VPS13A: variants seen among roughly 807,000 people sequenced by gnomAD.
VPS13A encodes intermembrane lipid transfer protein VPS13A.
In VPS13A, 264 loss-of-function variants were observed where a neutral mutation model predicts 390.9. The ratio of observed to expected loss-of-function variants is 0.68; its 90% confidence interval spans 0.61 to 0.75. The LOEUF (loss-of-function observed/expected upper bound fraction) is 0.75. Among genes scored for constraint, VPS13A ranks in the 30% least tolerant of loss-of-function variants. The pLI is 0.00. For missense variants in VPS13A, 3,409 were observed against 3,733.9 expected, an observed-to-expected ratio of 0.91 and a Z score of 2.27; for synonymous variants, 1,231 against 1,227.1, an observed-to-expected ratio of 1.00 and a Z score of -0.07.
chr9:77,354,699 A>G (rs1044933410), intron 54 of VPS13A, among the ~76,000 whole-genome samples: 1 of 152,138 alleles, frequency 6.6e-6, no homozygotes, highest in Non-Finnish European at 1.5e-5. Context: ...ACTATTTTAT[A>G]CTTGTCTCCC....
At chr9:77,353,326 A>G (rs539917929) in intron 53 of VPS13A, 83 bp from the exon 54 acceptor site, 116 of 1,086,004 alleles carry the variant, frequency 1.1e-4, no homozygotes, top group Middle Eastern at 2.0e-4. Flanking sequence ...CTCATTTTAT[A>G]AATGTGAAAT....
chr9:77,261,585 A>G (rs1313004306), intron 23 of VPS13A, among the ~76,000 whole-genome samples: 1 of 151,768 alleles, frequency 6.6e-6, no homozygotes, highest in Non-Finnish European at 1.5e-5. Context: ...CCAAAAAAAA[A>G]AAAATTTTTT....
intron 67 of VPS13A, among the ~76,000 whole-genome samples, chr9:77,379,504 T>G (rs1052383844): frequency 6.6e-6 from 1 of 152,022 alleles, no homozygotes; most frequent in Non-Finnish European, 1.5e-5. Context: ...CCTCCCGAAG[T>G]GCTGGGATTG....
rs1833463500 is a variant in VPS13A, at chr9:77,381,962, T to A, written c.9078-14T>A. On this transcript the variant is annotated splice_polypyrimidine_tract_variant and intron_variant, in intron 67 of 71. Coordinates refer to ENST00000360280, the MANE Select transcript of VPS13A (RefSeq NM_033305.3). ...AATAATTTTTAAAATAAAGTTATAT[T>A]TTTTTTCCTCTAGAGCTACAGAGAC... 1.9e-6 allele frequency: 3 copies of A among 1,557,122 alleles called. No homozygotes were observed. Among genetic ancestry groups the A allele is most frequent in the South Asian group, 1.2e-5 (1 of 83,920 alleles).
intron 33 of VPS13A, among the ~76,000 whole-genome samples, chr9:77,302,309 T>C (rs184943894): frequency 2.0e-5 from 3 of 151,840 alleles, no homozygotes; most frequent in African/African-American, 4.8e-5. Flanking sequence ...TTACAACTTA[T>C]ATACTTTTGC....
In VPS13A at chr9:77,416,991, A is replaced by G. The variant is rs1424440076; in HGVS notation, c.*985A>G. 2 of 152,510 alleles carry G rather than the reference A, an allele frequency of 1.3e-5. No homozygotes were observed. The highest frequency in any genetic ancestry group is 4.8e-5 in the African/African-American group (2 of 41,452). The allele number at this position is 152,510 out of a possible 1,614,324, so 9.4% of individuals were successfully genotyped here. A position where few individuals can be genotyped will look rare whatever the true frequency, so the allele number is the denominator to read the frequency against. ...AGAATTTCTGGTTTGCTTACTCTAC[A>G]GTTATTCAAATGAGAGTCACGCTTT... On this transcript the variant is annotated 3_prime_UTR_variant, in exon 72 of 72. Transcript: ENST00000360280.
chr9:77,193,120 A>T (rs777532456), intron 1 of VPS13A, among the ~76,000 whole-genome samples: 8 of 152,098 alleles, frequency 5.3e-5, no homozygotes, highest in Non-Finnish European at 8.8e-5. Flanking sequence ...TCCTCAGCTT[A>T]ATCTGTTCTG....
chr9:77,323,181 A>G lies in VPS13A; in HGVS notation c.5945A>G (p.Asp1982Gly), dbSNP rs745513743. The change falls in exon 45 of 72, where the codon GAT becomes GGT. Residue 1982 changes from aspartate to glycine, a missense_variant. By Grantham distance (94) the Asp-to-Gly change is moderately conservative. Coordinates refer to ENST00000360280, the MANE Select transcript of VPS13A (RefSeq NM_033305.3). ...GVERSIVCQIDTVEGSKKVTI... is the reference protein window; with the variant it reads ...GVERSIVCQIGTVEGSKKVTI... ...GAAAGATCTATTGTTTGTCAAATTGATACAGTAGAAGGAAGTAAGAAGGTC... is the reference window on the plus strand; with the variant it reads ...GAAAGATCTATTGTTTGTCAAATTGGTACAGTAGAAGGAAGTAAGAAGGTC... 6.2e-7 allele frequency: 1 copy of G among 1,613,616 alleles called. No homozygotes were observed. Among genetic ancestry groups the G allele is most frequent in the South Asian group, 1.1e-5 (1 of 91,082 alleles).
intron 46 of VPS13A, among the ~76,000 whole-genome samples, chr9:77,335,562 CAAA>C (rs1830495584): frequency 6.6e-6 from 1 of 152,140 alleles, no homozygotes; most frequent in Admixed American, 6.5e-5. Flanking sequence ...AGACACTTCT[CAAA>C]AGAAGACATT....
intron 52 of VPS13A, among the ~76,000 whole-genome samples, chr9:77,350,009 C>T (rs1317280230): frequency 6.6e-6 from 1 of 152,128 alleles, no homozygotes; most frequent in African/African-American, 2.4e-5. Context: ...TTTATAATTC[C>T]TTACCATATT....
chr9:77,216,253 C>T (rs1377607707), intron 10 of VPS13A, among the ~76,000 whole-genome samples: 3 of 152,096 alleles, frequency 2.0e-5, no homozygotes, highest in Non-Finnish European at 4.4e-5. Flanking sequence ...TCAGAGCAGG[C>T]TATGAAGGAG....
intron 71 of VPS13A, among the ~76,000 whole-genome samples, chr9:77,415,072 GAATA>G (rs1835118713): frequency 6.6e-6 from 1 of 152,208 alleles, no homozygotes; most frequent in Non-Finnish European, 1.5e-5. Flanking sequence ...AAAGAAAGAG[GAATA>G]AAGTTACCAG....
rs1176845794 is a variant in VPS13A, at chr9:77,293,481, T to G, written c.3480T>G (p.Phe1160Leu). 1.3e-6 allele frequency: 2 copies of G among 1,592,844 alleles called. No individual in the cohort carries two copies. The highest frequency in any genetic ancestry group is 2.7e-5 in the African/African-American group (2 of 74,474). Residue 1160 changes from phenylalanine to leucine, a missense_variant, in exon 32 of 72, where the codon TTT becomes TTG. Phe to Leu is a conservative substitution (Grantham distance 22). This residue lies in a region of VPS13A where 2,717 missense variants were observed against 2,917.4 expected (regional missense o/e 0.93). Coordinates refer to ENST00000360280, the MANE Select transcript of VPS13A (RefSeq NM_033305.3). The stretch of plus-strand genomic sequence containing the variant: ...TAGTTGGTTGCATTGAAGTAGTTTT[T>G]GTCACGAAATTTCTATATTCTATAT... ...NLIVGCIEVVFVTKFLYSILA... is the reference protein window; with the variant it reads ...NLIVGCIEVVLVTKFLYSILA...
chr9:77,394,740 C>G (rs1018613412), intron 68 of VPS13A, among the ~76,000 whole-genome samples: 8 of 152,222 alleles, frequency 5.3e-5, no homozygotes, highest in African/African-American at 1.9e-4. Flanking sequence ...GCTAGATCTT[C>G]TGGCTAACTT....
Position 77,351,397 on chromosome 9 carries a change from G to T in VPS13A, c.7370G>T (p.Arg2457Met). 1.2e-6 allele frequency: 2 copies of T among 1,613,932 alleles called. No individual in the cohort carries two copies. Among genetic ancestry groups the T allele is most frequent in the African/African-American group, 2.7e-5 (2 of 75,018 alleles). The change falls in exon 53 of 72, where the codon AGG becomes ATG. Residue 2457 changes from arginine (R) to methionine (M), a missense_variant. By Grantham distance (91) the Arg-to-Met change is moderately conservative (BLOSUM62 -1). Transcript: ENST00000360280. ...YTWADPVGSR[R>M]LKWRCRKSHG... ...TGGGCTGATCCGGTGGGCTCTAGAA[G>T]GCTGAAGTGGAGATGTAGAAAAAGC...
At chr9:77,385,182 G>A (rs534893560) in intron 68 of VPS13A, 5 of 919,152 alleles carry the variant, frequency 5.4e-6, no homozygotes, top group African/African-American at 3.6e-5. Flanking sequence ...ATAAACATAT[G>A]TAATCTAAAG....
chr9:77,363,333 A>G (rs1001777791), intron 59 of VPS13A, among the ~76,000 whole-genome samples: 7 of 147,098 alleles, frequency 4.8e-5, no homozygotes, highest in South Asian at 4.3e-4. Context: ...TTCTGCATCT[A>G]TGGAAATGAT....
chr9:77,206,184 A>G, intron 5 of VPS13A, 105 bp downstream of exon 5: 1 of 856,960 alleles, frequency 1.2e-6, no homozygotes, highest in African/African-American at 1.7e-5. Flanking sequence ...AGATTATTTC[A>G]GAAATATGAT....
intron 54 of VPS13A, among the ~76,000 whole-genome samples, chr9:77,354,445 C>T (rs1390242983): frequency 6.6e-6 from 1 of 151,844 alleles, no homozygotes; most frequent in African/African-American, 2.4e-5. Flanking sequence ...ATTTTTAAGA[C>T]CTTTAGACCT....
Sources: allele counts gnomAD v4.1 joint callset (sites outside exome capture counted in the v4.1 genomes callset), GRCh38; gene constraint gnomAD v4.1.1; regional missense constraint gnomAD v4.1.1; transcripts MANE v1.5; gene names NCBI Gene and HGNC (gene_info 2026-07-23, HGNC 2026-07-21).